Variants in GMNC observed in about 807,000 individuals in gnomAD.
GMNC encodes the protein geminin coiled-coil domain containing, also known as geminin coiled-coil domain-containing protein 1.
In GMNC, 16 loss-of-function variants were observed where a neutral mutation model predicts 33.6. The observed-to-expected ratio is 0.48, with a 90% CI of 0.32 to 0.72. The LOEUF is 0.72. GMNC is among the 30% of genes least tolerant of loss of function. The probability of loss-of-function intolerance (pLI) is 0.03; values close to 1 mark genes in which losing one functional copy is unlikely to be tolerated. For missense variants in GMNC, 393 were observed against 388.9 expected, an observed-to-expected ratio of 1.01 and a Z score of -0.09; for synonymous variants, 156 against 147.3, an observed-to-expected ratio of 1.06 and a Z score of -0.43.
rs1737875025 is a variant in GMNC, at chr3:190,861,716, G to C, written c.4-858C>G. On this transcript the variant is annotated intron_variant, in intron 1 of 4. Coordinates refer to ENST00000442080, the MANE Select transcript of GMNC (RefSeq NM_001146686.3). The surrounding 1 kb of genome is among the most constrained non-coding windows in gnomAD (Gnocchi z 5.1). ...GTATTCTCCACTGTGTTCTGATCCA[G>C]TGAACACTCTCCTGCCTTCCACTTC... Among the ~76,000 whole-genome samples, 1 of 152,128 alleles carries C rather than the reference G, an allele frequency of 6.6e-6. No homozygotes were observed. The highest frequency in any genetic ancestry group is 1.5e-5 in the Non-Finnish European group (1 of 68,040).
intron 3 of GMNC, among the ~76,000 whole-genome samples, chr3:190,858,314 C>T (rs1167906429): frequency 2.0e-5 from 3 of 151,688 alleles, no homozygotes; most frequent in African/African-American, 7.3e-5. Context: ...TCAAATGGAC[C>T]TGTCTGTATG....
chr3:190,847,837 A>G (rs373034286), downstream of GMNC, among the ~76,000 whole-genome samples: 3 of 152,160 alleles, frequency 2.0e-5, no homozygotes, highest in African/African-American at 7.2e-5. Context: ...GATGCCCACT[A>G]CCATATACTC....
chr3:190,845,508 C>CTTTTTTTTTTTTTTTTT, the GMNC span, among the ~76,000 whole-genome samples: 2 of 125,830 alleles, frequency 1.6e-5, no homozygotes, highest in African/African-American at 6.3e-5. Flanking sequence ...ATTTTGAAAC[C>CTTTTTTTTTTTTTTTTT]TTTTTTTTTT....
chr3:190,855,736 C>G lies in GMNC; in HGVS notation c.564G>C (p.Trp188Cys). 1 of 1,551,346 alleles carries G rather than the reference C, an allele frequency of 6.4e-7. No individual in the cohort carries two copies. Among genetic ancestry groups the G allele is most frequent in the Non-Finnish European group, 8.7e-7 (1 of 1,146,826 alleles). ...CTTTTAACCCAAGTGTTTGAAGGACCCAGGGATCCACAGGGGGCCCAGCTT... is the reference window on the plus strand; with the variant it reads ...CTTTTAACCCAAGTGTTTGAAGGACGCAGGGATCCACAGGGGGCCCAGCTT... ...EEQAGPPVDP[W>C]VLQTLGLKDL... is the part of the protein sequence containing the mutation. The change falls in exon 5 of 5, where the codon TGG (tryptophan) becomes TGC (cysteine). Residue 188 changes from tryptophan to cysteine, a missense_variant. Coordinates refer to ENST00000442080, the MANE Select transcript of GMNC (RefSeq NM_001146686.3).
rs11378580 is a variant in GMNC, at chr3:190,861,455, C to CATCTATCTATCTATCTATCTATCTATCT, written c.4-625_4-598dup. On this transcript the variant is annotated intron_variant, in intron 1 of 4. Transcript: ENST00000442080. The surrounding 1 kb of genome is among the most constrained non-coding windows in gnomAD (Gnocchi z 5.1). ...TCTGTCTGTCTGTCTGTCTGCCTAT[C>CATCTATCTATCTATCTATCTATCTATCT]ATCTATCTATCTATCTATCTATCTA... Among the ~76,000 whole-genome samples, 1 of 145,896 alleles carries CATCTATCTATCTATCTATCTATCTATCT rather than the reference C, an allele frequency of 6.9e-6. No individual in the cohort carries two copies. Among genetic ancestry groups the CATCTATCTATCTATCTATCTATCTATCT allele is most frequent in the Non-Finnish European group, 1.5e-5 (1 of 66,462 alleles).
At position 190,852,813 on chromosome 3, in the gene GMNC, A is replaced by G. The variant is rs1378933772; in HGVS notation, c.*2482T>C. On this transcript the variant is annotated 3_prime_UTR_variant, in exon 5 of 5. Transcript: ENST00000442080. The stretch of plus-strand genomic sequence containing the variant: ...CAAAAGAGTTTTTATTTCCCACTAT[A>G]GCTTAAAATATTAACTGTGGTTTAC... 1.3e-5 allele frequency: 2 copies of G among 152,182 alleles called. No homozygotes were observed. Among genetic ancestry groups the G allele is most frequent in the Admixed American group, 6.5e-5 (1 of 15,276 alleles). The allele number at this position is 152,182 out of a possible 1,614,324, so 9.4% of individuals were successfully genotyped here.
chr3:190,845,831 C>A, the GMNC span, among the ~76,000 whole-genome samples: 3 of 152,058 alleles, frequency 2.0e-5, no homozygotes, highest in Non-Finnish European at 4.4e-5. Context: ...AGTGTAAATA[C>A]TTTTTTACAA....
At chr3:190,858,003 T>C in intron 3 of GMNC, 104 bp from the exon 4 acceptor site, 1 of 702,604 alleles carries the variant, frequency 1.4e-6, no homozygotes, top group South Asian at 1.6e-5. Flanking sequence ...TGATTGTTTG[T>C]TGTATGAACA....
rs2108535219 is a variant in GMNC at position 190,862,514 on chromosome 3, T to C, written c.3+99A>G. ...TTTTAACTGGCGGGTAGCGGAGAAA[T>C]CTTGCTCCGAAGGTGGAATAAATTC... On this transcript the variant is annotated intron_variant, in intron 1 of 4. Transcript: ENST00000442080. The surrounding 1 kb of genome is among the most constrained non-coding windows in gnomAD (Gnocchi z 4.5). The C allele has an allele frequency of 1.1e-6, 1 of 899,820 alleles. No homozygotes were observed. The highest frequency in any genetic ancestry group is 2.6e-5 in the East Asian group (1 of 38,030). 55.7% of individuals were successfully genotyped at this position (899,820 alleles called of 1,614,324 possible).
In GMNC at chr3:190,853,476, A is replaced by G. The variant is rs568803687; in HGVS notation, c.*1819T>C. ...AGAGTAATATTAATTACTATATTGG[A>G]TTTTCTTCATAAATTATTTTTAAAA... is the stretch of plus-strand genomic sequence containing the variant. On this transcript the variant is annotated 3_prime_UTR_variant, in exon 5 of 5. Transcript: ENST00000442080. 1 of 152,202 alleles carries G rather than the reference A, an allele frequency of 6.6e-6. No individual in the cohort carries two copies. Among genetic ancestry groups the G allele is most frequent in the East Asian group, 1.9e-4 (1 of 5,190 alleles). The allele number at this position is 152,202 out of a possible 1,614,324, so 9.4% of individuals were successfully genotyped here.
rs570070735 is a variant in GMNC at position 190,861,411 on chromosome 3, C to T, written c.4-553G>A. The stretch of plus-strand genomic sequence containing the variant: ...TCCGTCTGACCTAACATACTGCTGG[C>T]TCATAGTCCATCAATCTATCTGTCT... On this transcript the variant is annotated intron_variant, in intron 1 of 4. Coordinates refer to ENST00000442080, the MANE Select transcript of GMNC (RefSeq NM_001146686.3). The surrounding 1 kb of genome is among the most constrained non-coding windows in gnomAD (Gnocchi z 5.1). Among the ~76,000 whole-genome samples the T allele has an allele frequency of 1.1e-4, 17 of 152,278 alleles. No individual in the cohort carries two copies. In the East Asian group the frequency reaches 3.3e-3, roughly 29 times the overall value.
rs1560038926 is a variant in GMNC, at chr3:190,861,738, C to G, written c.3+875G>C. 6.6e-6 allele frequency among the ~76,000 whole-genome samples: 1 copy of G among 152,162 alleles called. No homozygotes were observed. Among genetic ancestry groups the G allele is most frequent in the Non-Finnish European group, 1.5e-5 (1 of 68,036 alleles). On this transcript the variant is annotated intron_variant, in intron 1 of 4. Transcript: ENST00000442080. The surrounding 1 kb of genome is among the most constrained non-coding windows in gnomAD (Gnocchi z 5.1). ...CCAGTGAACACTCTCCTGCCTTCCA[C>G]TTCTTGAACCTCAAACACACAGTCT...
rs1278276524 is a variant in GMNC at position 190,862,388 on chromosome 3, AAGG to A, written c.3+222_3+224del. On this transcript the variant is annotated intron_variant, in intron 1 of 4. Transcript: ENST00000442080. The surrounding 1 kb of genome is among the most constrained non-coding windows in gnomAD (Gnocchi z 4.5). The stretch of plus-strand genomic sequence containing the variant: ...AGAGAGAGAGAGGGCGAGAGAGAGA[AAGG>A]AGAGAAAGAAGAGGGAGAGAGGGAG... 6.8e-6 allele frequency among the ~76,000 whole-genome samples: 1 copy of A among 146,690 alleles called. No homozygotes were observed. The highest frequency in any genetic ancestry group is 2.2e-4 in the South Asian group (1 of 4,608).
intron 2 of GMNC, among the ~76,000 whole-genome samples, chr3:190,860,146 CAG>C (rs1286939639): frequency 2.6e-5 from 4 of 152,154 alleles, no homozygotes; most frequent in Non-Finnish European, 4.4e-5. Flanking sequence ...TGGTATGCCA[CAG>C]ATCAAGATTA....
At chr3:190,851,012 T>G (rs60908823), downstream of GMNC, among the ~76,000 whole-genome samples, 3,608 of 152,224 alleles carry the variant, frequency 0.024, 147 homozygotes, top group African/African-American at 0.083. Flanking sequence ...AAAATCCAGG[T>G]TATCCATGAC....
rs1470082722 is a variant in GMNC at position 190,855,686 on chromosome 3, G to A, written c.614C>T (p.Ser205Leu). 1.3e-6 allele frequency: 2 copies of A among 1,551,500 alleles called. No individual in the cohort carries two copies. Among genetic ancestry groups the A allele is most frequent in the Non-Finnish European group, 1.7e-6 (2 of 1,146,930 alleles). ...TGCGAGGGCACTGTAGTTAGCTGAT[G>A]AGGTGTCATCGATAGTGTCAAGGTC... is the stretch of plus-strand genomic sequence containing the variant. ...LKDLDTIDDT[S>L]SANYSALASH... is the part of the protein sequence containing the mutation. Residue 205 changes from serine to leucine, a missense_variant, in exon 5 of 5, where the codon TCA becomes TTA. By Grantham distance (145) the Ser-to-Leu change is moderately radical. Transcript: ENST00000442080.
downstream of GMNC, among the ~76,000 whole-genome samples, chr3:190,850,272 C>G (rs1737612796): frequency 6.6e-6 from 1 of 152,220 alleles, no homozygotes; most frequent in African/African-American, 2.4e-5. Flanking sequence ...CTCTGACAGC[C>G]TGTTGACTGT....
chr3:190,859,058 G>A (rs998079106), intron 2 of GMNC, 42 bp from the exon 3 acceptor site: 2 of 1,201,026 alleles, frequency 1.7e-6, no homozygotes, highest in Non-Finnish European at 2.4e-6. Flanking sequence ...TAATCTTGTA[G>A]TTTCTGTGTA....
In GMNC at chr3:190,861,455, CATCTATCTATCT is replaced by C. The variant is rs11378580; in HGVS notation, c.4-609_4-598del. 0.01 allele frequency among the ~76,000 whole-genome samples: 1,531 copies of C among 145,992 alleles called. 16 individuals carry two copies. The highest frequency in any genetic ancestry group is 0.031 in the Middle Eastern group (9 of 294). ...TCTGTCTGTCTGTCTGTCTGCCTAT[CATCTATCTATCT>C]ATCTATCTATCTATCTATCTATCTA... On this transcript the variant is annotated intron_variant, in intron 1 of 4. Coordinates refer to ENST00000442080, the MANE Select transcript of GMNC (RefSeq NM_001146686.3). The surrounding 1 kb of genome is among the most constrained non-coding windows in gnomAD (Gnocchi z 5.1).
Sources: gnomAD v4.1 joint callset for allele counts (sites outside exome capture counted in the v4.1 genomes callset) on GRCh38, gnomAD v4.1.1 for gene constraint, Gnocchi (gnomAD v3.1) non-coding constraint, MANE v1.5 for transcripts, NCBI Gene and HGNC (gene_info 2026-07-23, HGNC 2026-07-21) for gene names.